PCDHA4: variants seen among roughly 807,000 people sequenced by gnomAD.
PCDHA4 encodes protocadherin alpha 4.
Under a neutral mutation model 61.4 loss-of-function variants are expected in PCDHA4, and 49 were observed. The ratio of observed to expected loss-of-function variants is 0.80; its 90% CI spans 0.63 to 1.01. The LOEUF (loss-of-function observed/expected upper bound fraction) is 1.01, where lower values mean the gene tolerates loss of function less well. Among genes scored for constraint, PCDHA4 ranks in the 50% least tolerant of loss-of-function variants. The pLI is 0.00. For synonymous variants in PCDHA4, 590 were observed against 550.3 expected, an observed-to-expected ratio of 1.07 and a Z score of -1.01; for missense variants, 1,254 against 1,235.8, an observed-to-expected ratio of 1.01 and a Z score of -0.22.
intron 1 of PCDHA4, chr5:140,858,447 A>G (rs1554151639): frequency 6.5e-7 from 1 of 1,533,388 alleles, no homozygotes; most frequent in Admixed American, 2.0e-5. Flanking sequence ...GTGGGTTATT[A>G]CGTTTTCATT....
chr5:141,012,182 A>T lies in PCDHA4; in HGVS notation c.*2245A>T, dbSNP rs1334407628. On this transcript the variant is annotated 3_prime_UTR_variant, in exon 4 of 4. Coordinates refer to ENST00000530339, the MANE Select transcript of PCDHA4 (RefSeq NM_018907.4). ...CTAATTTATTAATGATGATAATTATAATGTATCTGTACAGCACTTTTTACA... is the reference window on the plus strand; with the variant it reads ...CTAATTTATTAATGATGATAATTATTATGTATCTGTACAGCACTTTTTACA... 6.5e-6 allele frequency: 1 copy of T among 153,776 alleles called. No homozygotes were observed. The highest frequency in any genetic ancestry group is 1.5e-5 in the Non-Finnish European group (1 of 68,050). 9.5% of individuals were successfully genotyped at this position (153,776 alleles called of 1,614,324 possible).
At chr5:140,861,372 A>C (rs2046882996) in intron 1 of PCDHA4, 3 of 407,054 alleles carry the variant, frequency 7.4e-6, no homozygotes, top group Non-Finnish European at 1.5e-5. Flanking sequence ...CGCGGTCCCT[A>C]TTGCGCAGGA....
chr5:140,872,444 T>C (rs2053673560), intron 1 of PCDHA4, among the ~76,000 whole-genome samples: 2 of 152,002 alleles, frequency 1.3e-5, no homozygotes, highest in Admixed American at 1.3e-4. Flanking sequence ...CTGGACAACA[T>C]AGCGAGATCC....
At position 140,808,858 on chromosome 5, in the gene PCDHA4, C is replaced by A; in HGVS notation, c.1671C>A (p.Asp557Glu). 6.2e-7 allele frequency: 1 copy of A among 1,613,088 alleles called. No homozygotes were observed. Among genetic ancestry groups the A allele is most frequent in the Non-Finnish European group, 8.5e-7 (1 of 1,179,914 alleles). ...TGACGCTGCAGGTGTTCGTGCTGGA[C>A]GAAAACGACAACGCGCCAGCACTGC... ...SNVTLQVFVLDENDNAPALLA... is the reference protein window; with the variant it reads ...SNVTLQVFVLEENDNAPALLA... Residue 557 changes from aspartate to glutamate, a missense_variant, in exon 1 of 4, where the codon GAC (aspartate) becomes GAA (glutamate). Asp to Glu is a conservative substitution (Grantham distance 45). Transcript: ENST00000530339.
At chr5:140,923,266 T>C (rs184590818) in intron 1 of PCDHA4, among the ~76,000 whole-genome samples, 1 of 152,284 alleles carries the variant, frequency 6.6e-6, no homozygotes, top group African/African-American at 2.4e-5. Context: ...TAGTGAGACC[T>C]TGTCTCTACA....
chr5:140,833,327 C>T (rs1482387019), intron 1 of PCDHA4, among the ~76,000 whole-genome samples: 2 of 152,096 alleles, frequency 1.3e-5, no homozygotes, highest in Non-Finnish European at 2.9e-5. Flanking sequence ...CCATTGGGAA[C>T]ATTGGAGTGA....
chr5:140,875,675 C>G, intron 1 of PCDHA4: 8 of 1,613,858 alleles, frequency 5.0e-6, no homozygotes, highest in Non-Finnish European at 6.8e-6. Context: ...CGGGTGGCGT[C>G]CAAAAGACAC....
chr5:140,877,433 A>G, intron 1 of PCDHA4: 8 of 1,613,774 alleles, frequency 5.0e-6, no homozygotes, highest in Non-Finnish European at 6.8e-6. Context: ...GTGAAGGACC[A>G]CGGTGAGCCC....
rs567371259 is a variant in PCDHA4, at chr5:140,910,950, G to A, written c.2386-67999G>A. ...TAAGAAAGCTCAAGCAGTTCTTTTC[G>A]AGTGTAGCACACCTCCTCATGGGTT... On this transcript the variant is annotated intron_variant, in intron 1 of 3. Coordinates refer to ENST00000530339, the MANE Select transcript of PCDHA4 (RefSeq NM_018907.4). Among the ~76,000 whole-genome samples, 203 of 152,092 alleles carry A rather than the reference G, an allele frequency of 1.3e-3. 1 individual carries two copies. Among genetic ancestry groups the A allele is most frequent in the Non-Finnish European group, 2.4e-3 (165 of 68,000 alleles).
At chr5:140,951,420 T>G (rs1212893926) in intron 1 of PCDHA4, among the ~76,000 whole-genome samples, 3 of 151,992 alleles carry the variant, frequency 2.0e-5, no homozygotes, top group African/African-American at 7.2e-5. Flanking sequence ...TGGCTCACAG[T>G]TCCACAGGCT....
intron 1 of PCDHA4, among the ~76,000 whole-genome samples, chr5:140,906,476 G>A (rs1284528767): frequency 1.3e-5 from 2 of 152,192 alleles, no homozygotes; most frequent in African/African-American, 4.8e-5. Context: ...TAGTACAAAT[G>A]TATAAATGCA....
intron 1 of PCDHA4, chr5:140,834,282 AC>A (rs1772883613): frequency 8.7e-7 from 1 of 1,147,956 alleles, no homozygotes; most frequent in Non-Finnish European, 1.2e-6. Flanking sequence ...CTTTGGATGC[AC>A]AACAATGGCC....
At chr5:140,823,262 G>A in intron 1 of PCDHA4, 4 of 1,612,940 alleles carry the variant, frequency 2.5e-6, no homozygotes, top group Non-Finnish European at 3.4e-6. Context: ...CTGGTGGAGC[G>A]GCGGGTGGGC....
chr5:140,876,815 T>G (rs782365798), intron 1 of PCDHA4: 1 of 1,614,148 alleles, frequency 6.2e-7, no homozygotes, highest in South Asian at 1.1e-5. Flanking sequence ...GTGGCCGACG[T>G]GAACGACAAT....
In PCDHA4 at chr5:140,856,987, C is replaced by T. The variant is rs144244943; in HGVS notation, c.2385+47415C>T. ...ATGCTATTGACTTTGAGGACAGTAA[C>T]ACTTATGAAATTCATGTAGATGTTA... On this transcript the variant is annotated intron_variant, in intron 1 of 3. Coordinates refer to ENST00000530339, the MANE Select transcript of PCDHA4 (RefSeq NM_018907.4). The T allele has an allele frequency of 7.5e-6, 12 of 1,595,122 alleles. No individual in the cohort carries two copies. The African/African-American group carries it at 1.3e-4, about 18-fold the overall frequency.
chr5:140,967,889 C>T, intron 1 of PCDHA4: 1 of 1,614,146 alleles, frequency 6.2e-7, no homozygotes, highest in Non-Finnish European at 8.5e-7. Context: ...TAGCCCAGTG[C>T]CTGAGAATGC....
chr5:140,809,040 C>A lies in PCDHA4; in HGVS notation c.1853C>A (p.Ala618Glu). 1 of 1,613,822 alleles carries A rather than the reference C, an allele frequency of 6.2e-7. No individual in the cohort carries two copies. The highest frequency in any genetic ancestry group is 1.1e-5 in the South Asian group (1 of 91,078). ...GAGCTGCAGCCGGGGACTGGTGGCG[C>A]GCGCATCCCGTTCCGCGTGGGGCTG... ...SYELQPGTGG[A>E]RIPFRVGLYT... The change falls in exon 1 of 4, where the codon GCG (alanine) becomes GAG (glutamate). Residue 618 changes from alanine (A) to glutamate (E), a missense_variant. Physicochemically the swap from Ala to Glu is moderately radical, Grantham distance 107 (BLOSUM62 -1). Transcript: ENST00000530339.
chr5:140,966,803 C>G, intron 1 of PCDHA4: 1 of 1,542,484 alleles, frequency 6.5e-7, no homozygotes, highest in Non-Finnish European at 8.7e-7. Context: ...GGCGACAGAG[C>G]ATCCACGGCT....
At chr5:140,959,568 T>A (rs1333268160) in intron 1 of PCDHA4, among the ~76,000 whole-genome samples, 1 of 152,208 alleles carries the variant, frequency 6.6e-6, no homozygotes, top group African/African-American at 2.4e-5. Flanking sequence ...GTACTAGATT[T>A]TTTGTTTCAA....
Sources: gnomAD v4.1 joint callset for allele counts (sites outside exome capture counted in the v4.1 genomes callset) on GRCh38, gnomAD v4.1.1 for gene constraint, MANE v1.5 for transcripts, NCBI Gene and HGNC (gene_info 2026-07-23, HGNC 2026-07-21) for gene names.